SPMIP3: variants seen among roughly 807,000 people sequenced by gnomAD.
The protein encoded by SPMIP3 is sperm microtubule inner protein 3.
At chr1:244,377,107 C>T in the SPMIP3 span, among the ~76,000 whole-genome samples, 11 of 151,516 alleles carry the variant, frequency 7.3e-5, no homozygotes, top group South Asian at 2.1e-4. Flanking sequence ...TGCACCCAGT[C>T]GTACAGCATC....
At chr1:244,352,832 A>G in the SPMIP3 span, 1 of 152,234 alleles carries the variant, frequency 6.6e-6, no homozygotes, top group Non-Finnish European at 1.5e-5. Flanking sequence ...TTTTAGAGAC[A>G]GGAACTCACA....
chr1:244,383,222 A>G, the SPMIP3 span, among the ~76,000 whole-genome samples: 5 of 152,304 alleles, frequency 3.3e-5, no homozygotes, highest in African/African-American at 9.6e-5. Flanking sequence ...TCTACACTCA[A>G]TAACCATGGA....
the SPMIP3 span, chr1:244,364,562 T>C: frequency 2.4e-5 from 19 of 790,996 alleles, no homozygotes; most frequent in Admixed American, 1.9e-4. Context: ...ATATGCATAG[T>C]CCTTCTACCA....
At chr1:244,370,756 C>A in the SPMIP3 span, among the ~76,000 whole-genome samples, 1 of 152,092 alleles carries the variant, frequency 6.6e-6, no homozygotes, top group Non-Finnish European at 1.5e-5. Context: ...TCACACATAC[C>A]CTCGGGTGGC....
the SPMIP3 span, among the ~76,000 whole-genome samples, chr1:244,381,728 C>T: frequency 3.9e-5 from 6 of 152,234 alleles, no homozygotes; most frequent in East Asian, 3.9e-4. Context: ...GTGAGAAGTT[C>T]GAGACCAGCC....
At chr1:244,372,580 A>G in the SPMIP3 span, among the ~76,000 whole-genome samples, 1 of 151,946 alleles carries the variant, frequency 6.6e-6, no homozygotes, top group Non-Finnish European at 1.5e-5. Context: ...AATAGCTGGG[A>G]CTACAGGTGC....
At chr1:244,385,748 T>G in the SPMIP3 span, among the ~76,000 whole-genome samples, 1 of 147,558 alleles carries the variant, frequency 6.8e-6, no homozygotes, top group African/African-American at 2.5e-5. Context: ...TCAAGAATAA[T>G]GTATGCCAGA....
chr1:244,387,942 T>G, the SPMIP3 span, among the ~76,000 whole-genome samples: 21 of 152,206 alleles, frequency 1.4e-4, no homozygotes, highest in South Asian at 2.7e-3. Context: ...TTTTTTTATT[T>G]TTGAGACGAA....
chr1:244,375,270 C>A, the SPMIP3 span: 1 of 925,164 alleles, frequency 1.1e-6, no homozygotes, highest in Non-Finnish European at 1.6e-6. Context: ...AAACTGGGGA[C>A]AAAGACCAAA....
the SPMIP3 span, among the ~76,000 whole-genome samples, chr1:244,379,387 T>C: frequency 6.6e-6 from 1 of 152,000 alleles, no homozygotes; most frequent in Non-Finnish European, 1.5e-5. Flanking sequence ...TTCTTTTTTA[T>C]AGAGATGAGG....
the SPMIP3 span, chr1:244,375,621 C>T: frequency 5.9e-6 from 3 of 504,216 alleles, no homozygotes; most frequent in Non-Finnish European, 1.0e-5. Context: ...ATATACCAAA[C>T]TGTTAATGTT....
the SPMIP3 span, among the ~76,000 whole-genome samples, chr1:244,356,769 G>C: frequency 0.4 from 60,729 of 151,782 alleles, 12,679 homozygotes; most frequent in Middle Eastern, 0.5. Context: ...CCAAAATTGG[G>C]GTATTGGGTT....
chr1:244,365,146 G>A, the SPMIP3 span, among the ~76,000 whole-genome samples: 1 of 152,190 alleles, frequency 6.6e-6, no homozygotes, highest in Admixed American at 6.5e-5. Flanking sequence ...ATTGAAGTAC[G>A]ATAACACCAA....
the SPMIP3 span, among the ~76,000 whole-genome samples, chr1:244,355,456 C>T: frequency 5.2e-4 from 79 of 151,104 alleles, 1 homozygote; most frequent in Non-Finnish European, 2.7e-4. Flanking sequence ...GGTGTGATCT[C>T]GGCTCACTGC....
the SPMIP3 span, among the ~76,000 whole-genome samples, chr1:244,356,765 T>C: frequency 6.6e-6 from 1 of 152,138 alleles, no homozygotes; most frequent in African/African-American, 2.4e-5. Flanking sequence ...ATGTCCAAAA[T>C]TGGGGTATTG....
At chr1:244,383,957 T>C in the SPMIP3 span, among the ~76,000 whole-genome samples, 90 of 152,288 alleles carry the variant, frequency 5.9e-4, no homozygotes, top group Admixed American at 1.9e-3. Context: ...GATAAAAGAC[T>C]ACAAATTGGG....
the SPMIP3 span, among the ~76,000 whole-genome samples, chr1:244,353,746 G>C: frequency 1.3e-5 from 2 of 152,164 alleles, no homozygotes; most frequent in Non-Finnish European, 2.9e-5. Flanking sequence ...TTACAGAACT[G>C]GTGAGAGTCA....
At chr1:244,373,641 T>C in the SPMIP3 span, among the ~76,000 whole-genome samples, 7 of 151,888 alleles carry the variant, frequency 4.6e-5, no homozygotes, top group East Asian at 1.2e-3. Flanking sequence ...AAATAAAATC[T>C]GTAAATAATA....
At chr1:244,369,292 T>G in the SPMIP3 span, among the ~76,000 whole-genome samples, 1 of 152,240 alleles carries the variant, frequency 6.6e-6, no homozygotes, top group African/African-American at 2.4e-5. Flanking sequence ...AAAAGATCAC[T>G]TTAAGTGGAT....
Sources: allele counts gnomAD v4.1 joint callset (sites outside exome capture counted in the v4.1 genomes callset), GRCh38; gene constraint gnomAD v4.1.1; transcripts MANE v1.5; gene names NCBI Gene and HGNC (gene_info 2026-07-23, HGNC 2026-07-21).